Variants in CACNG3 observed in about 807,000 individuals in gnomAD.
CACNG3 encodes voltage-dependent calcium channel gamma-3 subunit.
Under a neutral mutation model 28.5 loss-of-function variants are expected in CACNG3, and 3 were observed. The ratio of observed to expected loss-of-function variants is 0.11; its 90% CI spans 0.05 to 0.27. The LOEUF (loss-of-function observed/expected upper bound fraction) is 0.27. CACNG3 is among the 10% of genes least tolerant of loss of function. CACNG3 has a pLI of 1.00. For synonymous variants in CACNG3, 174 were observed against 162.2 expected, an observed-to-expected ratio of 1.07 and a Z score of -0.55; for missense variants, 236 against 414.4, an observed-to-expected ratio of 0.57 and a Z score of 3.74.
intron 1 of CACNG3, among the ~76,000 whole-genome samples, chr16:24,301,072 G>A (rs1025831581): frequency 2.7e-5 from 4 of 149,802 alleles, no homozygotes; most frequent in East Asian, 2.0e-4. Context: ...TTAGTCTGGC[G>A]TGGTGGCACA....
intron 1 of CACNG3, among the ~76,000 whole-genome samples, chr16:24,300,991 C>T (rs1001535447): frequency 4.8e-5 from 7 of 147,130 alleles, no homozygotes; most frequent in Non-Finnish European, 8.9e-5. Context: ...TGCAGTGAGC[C>T]GAGATCATGT....
At chr16:24,332,700 G>A (rs145241622) in intron 1 of CACNG3, among the ~76,000 whole-genome samples, 3 of 152,154 alleles carry the variant, frequency 2.0e-5, no homozygotes, top group East Asian at 1.9e-4. Context: ...AAGGTTGCAC[G>A]GACAGGCAAG....
chr16:24,292,442 A>G (rs1003334580), intron 1 of CACNG3, among the ~76,000 whole-genome samples: 9 of 152,204 alleles, frequency 5.9e-5, no homozygotes, highest in African/African-American at 2.2e-4. Context: ...TTTTTGACAT[A>G]AAGACAGCCT....
chr16:24,261,337 C>T (rs1898535052), intron 1 of CACNG3, among the ~76,000 whole-genome samples: 1 of 152,164 alleles, frequency 6.6e-6, no homozygotes, highest in Admixed American at 6.5e-5. Context: ...AAACACAAGC[C>T]TCATCTGAAG....
chr16:24,273,321 G>A (rs867945084), intron 1 of CACNG3, among the ~76,000 whole-genome samples: 1 of 152,110 alleles, frequency 6.6e-6, no homozygotes, highest in South Asian at 2.1e-4. Context: ...TTCCTGCCAT[G>A]ATAGGTGAGG....
chr16:24,270,460 T>C (rs546471773), intron 1 of CACNG3, among the ~76,000 whole-genome samples: 16 of 152,194 alleles, frequency 1.1e-4, no homozygotes, highest in Admixed American at 4.6e-4. Flanking sequence ...TGGAGAAAAA[T>C]AGAAAGATCA....
chr16:24,341,298 C>T (rs1899784042), intron 1 of CACNG3, among the ~76,000 whole-genome samples: 1 of 152,226 alleles, frequency 6.6e-6, no homozygotes, highest in South Asian at 2.1e-4. Context: ...ACATGGGTTG[C>T]CAGCAGATTC....
chr16:24,361,644 A>T lies in CACNG3; in HGVS notation c.729A>T (p.Arg243Ser). Residue 243 changes from arginine to serine, a missense_variant, in exon 4 of 4, where the codon AGA (arginine) becomes AGT (serine). Arg to Ser is a moderately radical substitution (Grantham distance 110). Around this residue, in one of 2 missense-constraint regions of CACNG3, gnomAD observed 116 missense variants for 151.0 expected, o/e 0.77. Coordinates refer to ENST00000005284, the MANE Select transcript of CACNG3 (RefSeq NM_006539.4). The surrounding 1 kb of genome is among the most constrained non-coding windows in gnomAD (Gnocchi z 6.8). ...CAAGTTCTCGCTCCACCGAGCCCAG[A>T]TCCCGAGACCTGTCCCCCATCAGCA... Reference protein sequence around the residue: ...RRSSSRSTEPRSRDLSPISKG... With the variant: ...RRSSSRSTEPSSRDLSPISKG... The T allele has an allele frequency of 6.2e-7, 1 of 1,613,566 alleles. No individual in the cohort carries two copies. Among genetic ancestry groups the T allele is most frequent in the Non-Finnish European group, 8.5e-7 (1 of 1,179,792 alleles).
At chr16:24,297,323 T>A (rs1899045610) in intron 1 of CACNG3, among the ~76,000 whole-genome samples, 1 of 151,984 alleles carries the variant, frequency 6.6e-6, no homozygotes, top group Non-Finnish European at 1.5e-5. Context: ...TCTGTCCCCC[T>A]CCTCCAGACC....
At chr16:24,351,831 CTTTTTTTTTTT>C (rs869158970) in intron 2 of CACNG3, among the ~76,000 whole-genome samples, 1 of 85,062 alleles carries the variant, frequency 1.2e-5, no homozygotes, top group Non-Finnish European at 2.1e-5. Context: ...CTCTCTCTCT[CTTTTTTTTTTT>C]TTTTTTTTTT....
Position 24,362,003 on chromosome 16 carries a change from C to A in CACNG3, c.*140C>A. The A allele has an allele frequency of 1.2e-6, 1 of 820,038 alleles. No individual in the cohort carries two copies. Among genetic ancestry groups the A allele is most frequent in the African/African-American group, 1.7e-5 (1 of 58,072 alleles). 50.8% of individuals were successfully genotyped at this position (820,038 alleles called of 1,614,324 possible). ...AAACCAAATGGACTCAGCCCTCTCC[C>A]ACATTTTCCCCTCACCCTCCAAGTC... is the stretch of plus-strand genomic sequence containing the variant. On this transcript the variant is annotated 3_prime_UTR_variant, in exon 4 of 4. Transcript: ENST00000005284.
chr16:24,339,183 A>G (rs1373280325), intron 1 of CACNG3, among the ~76,000 whole-genome samples: 7 of 152,202 alleles, frequency 4.6e-5, no homozygotes, highest in Non-Finnish European at 8.8e-5. Context: ...ATAAAGGGTA[A>G]TGGACTGTTT....
intron 1 of CACNG3, among the ~76,000 whole-genome samples, chr16:24,281,536 C>T (rs1195129046): frequency 1.3e-5 from 2 of 152,150 alleles, no homozygotes; most frequent in African/African-American, 2.4e-5. Flanking sequence ...TCCAGCATAA[C>T]AGCATGAGTT....
intron 1 of CACNG3, among the ~76,000 whole-genome samples, chr16:24,268,614 T>C (rs1898645324): frequency 6.6e-6 from 1 of 152,240 alleles, no homozygotes; most frequent in South Asian, 2.1e-4. Context: ...ATCGTAGCAC[T>C]AGGCTGTGAA....
intron 1 of CACNG3, among the ~76,000 whole-genome samples, chr16:24,270,177 C>T (rs960971190): frequency 2.0e-5 from 3 of 152,054 alleles, no homozygotes; most frequent in Admixed American, 2.0e-4. Flanking sequence ...TAAACTGATC[C>T]AAAAAACCAT....
intron 1 of CACNG3, among the ~76,000 whole-genome samples, chr16:24,303,873 A>C (rs1303002777): frequency 6.6e-6 from 1 of 152,020 alleles, no homozygotes; most frequent in Admixed American, 6.6e-5. Context: ...AGCTGACTGC[A>C]CTCCAGCCTG....
At chr16:24,291,158 G>T (rs1898961403) in intron 1 of CACNG3, among the ~76,000 whole-genome samples, 1 of 152,194 alleles carries the variant, frequency 6.6e-6, no homozygotes, top group African/African-American at 2.4e-5. Flanking sequence ...TGAGGTTATG[G>T]CTGATAAAGC....
chr16:24,353,941 C>G (rs1899994660), intron 2 of CACNG3, among the ~76,000 whole-genome samples: 1 of 152,106 alleles, frequency 6.6e-6, no homozygotes, highest in African/African-American at 2.4e-5. Flanking sequence ...GCCTATAATC[C>G]CAGTACTTTG....
At chr16:24,287,951 A>G (rs1224332467) in intron 1 of CACNG3, among the ~76,000 whole-genome samples, 1 of 152,206 alleles carries the variant, frequency 6.6e-6, no homozygotes, top group East Asian at 1.9e-4. Context: ...TTTCCAAAAC[A>G]TAAGTAAATT....
Sources: allele counts gnomAD v4.1 joint callset (sites outside exome capture counted in the v4.1 genomes callset), GRCh38; gene constraint gnomAD v4.1.1; regional missense constraint gnomAD v4.1.1; non-coding constraint Gnocchi (gnomAD v3.1); transcripts MANE v1.5; gene names NCBI Gene and HGNC (gene_info 2026-07-23, HGNC 2026-07-21).